NAV1: variants seen among roughly 807,000 people sequenced by gnomAD.
The protein encoded by NAV1 is pore membrane and/or filament interacting like protein 3.
A neutral mutation model predicts 175.2 loss-of-function variants in NAV1; 18 were observed. That is an observed-to-expected ratio of 0.10 (90% CI 0.07 to 0.15). NAV1 has a LOEUF of 0.15. Ranked by LOEUF, NAV1 falls within the 10% of genes least tolerant of loss-of-function variation. NAV1 has a pLI of 1.00. For missense variants in NAV1, 1,731 were observed against 2,436.6 expected (o/e 0.71, Z 6.10); for synonymous variants, 897 against 978.7 (o/e 0.92, Z 1.56).
At chr1:201,794,122 C>G (rs1424645758) in intron 14 of NAV1, 1 of 681,516 alleles carries the variant, frequency 1.5e-6, no homozygotes, top group African/African-American at 1.8e-5. Flanking sequence ...ATCATAAGGG[C>G]TCAGGGCTCC....
At chr1:201,587,345 CAT>C (rs1314146119) in intron 1 of NAV1, among the ~76,000 whole-genome samples, 1 of 150,606 alleles carries the variant, frequency 6.6e-6, no homozygotes, top group South Asian at 2.1e-4. Context: ...AATGAGAAAA[CAT>C]ATTTGTAAAT....
chr1:201,629,613 C>G, intron 2 of NAV1, 106 bp downstream of exon 4: 6 of 627,354 alleles, frequency 9.6e-6, no homozygotes, highest in Non-Finnish European at 1.4e-5. Context: ...CATCTCTTGA[C>G]AAGGAGACAT....
intron 1 of NAV1, among the ~76,000 whole-genome samples, chr1:201,667,312 C>T (rs1669862780): frequency 6.6e-6 from 1 of 152,202 alleles, no homozygotes; most frequent in African/African-American, 2.4e-5. Context: ...ACAGCTGGTT[C>T]TTGAAACAAA....
At chr1:201,757,004 T>C (rs1674555071) in intron 3 of NAV1, among the ~76,000 whole-genome samples, 1 of 152,226 alleles carries the variant, frequency 6.6e-6, no homozygotes, top group Non-Finnish European at 1.5e-5. Context: ...CATAGGAGTA[T>C]GTTAAAGTAG....
intron 3 of NAV1, among the ~76,000 whole-genome samples, chr1:201,728,735 G>T (rs142538584): frequency 1.6e-4 from 25 of 152,158 alleles, no homozygotes; most frequent in Non-Finnish European, 3.1e-4. Flanking sequence ...AAAGTGCTAA[G>T]ATTACAGGTG....
At chr1:201,674,389 GT>G (rs199683913) in intron 1 of NAV1, among the ~76,000 whole-genome samples, 33 of 151,688 alleles carry the variant, frequency 2.2e-4, no homozygotes, top group African/African-American at 7.5e-4. Context: ...ATGAGTGTGT[GT>G]TGGGGGGGGT....
rs1403673339 is a variant in NAV1, at chr1:201,808,705, G to C, written c.4041G>C (p.Leu1347Phe). The stretch of plus-strand genomic sequence containing the variant: ...TACCCTGTCTGTTCTTGCCACAGTT[G>C]GAGGTGGACCTGCTGAAAGCAGAGA... The change falls in exon 20 of 30, where the codon TTG becomes TTC. Residue 1347 changes from leucine (L) to phenylalanine (F), a missense_variant and splice_region_variant. Transcript: ENST00000367296. The surrounding 1 kb of genome is among the most constrained non-coding windows in gnomAD (Gnocchi z 5.5). 1 of 1,614,126 alleles carries C rather than the reference G, an allele frequency of 6.2e-7. No homozygotes were observed. Among genetic ancestry groups the C allele is most frequent in the Non-Finnish European group, 8.5e-7 (1 of 1,180,062 alleles).
chr1:201,734,315 G>A (rs1672995303), intron 3 of NAV1, among the ~76,000 whole-genome samples: 1 of 151,782 alleles, frequency 6.6e-6, no homozygotes, highest in Non-Finnish European at 1.5e-5. Context: ...GGCTGAGGTG[G>A]GAGGATCGCT....
intron 1 of NAV1, among the ~76,000 whole-genome samples, chr1:201,552,541 G>C (rs1311334885): frequency 6.6e-6 from 1 of 152,084 alleles, no homozygotes; most frequent in Non-Finnish European, 1.5e-5. Flanking sequence ...TTTGGAGTCA[G>C]CCTGACCCGG....
At chr1:201,619,135 A>G (rs1668083360), upstream of NAV1, among the ~76,000 whole-genome samples, 1 of 152,186 alleles carries the variant, frequency 6.6e-6, no homozygotes, top group Admixed American at 6.5e-5. Context: ...TACCATGGGA[A>G]TGTTTTAAAT....
At chr1:201,647,961 T>C (rs1669030884), upstream of NAV1, among the ~76,000 whole-genome samples, 4 of 149,258 alleles carry the variant, frequency 2.7e-5, no homozygotes, top group East Asian at 8.0e-4. Flanking sequence ...CCCGCCCCGC[T>C]TCTACGCGGA....
At chr1:201,540,014 C>T (rs2102439548) in intron 1 of NAV1, among the ~76,000 whole-genome samples, 1 of 152,328 alleles carries the variant, frequency 6.6e-6, no homozygotes, top group Admixed American at 6.5e-5. Context: ...TCACGGGGAG[C>T]TCACCTGAGC....
chr1:201,775,459 A>G (rs1198592659), intron 3 of NAV1, among the ~76,000 whole-genome samples: 1 of 152,226 alleles, frequency 6.6e-6, no homozygotes, highest in Non-Finnish European at 1.5e-5. Context: ...TACTGAAGCC[A>G]TAGTTGACAA....
intron 2 of NAV1, among the ~76,000 whole-genome samples, chr1:201,592,152 C>T (rs145130317): frequency 4.6e-5 from 7 of 152,302 alleles, no homozygotes; most frequent in African/African-American, 1.7e-4. Flanking sequence ...TGGGAAGCAC[C>T]AGCCACACCT....
intron 3 of NAV1, among the ~76,000 whole-genome samples, chr1:201,747,474 C>T (rs555285673): frequency 1.3e-5 from 2 of 152,278 alleles, no homozygotes; most frequent in African/African-American, 2.4e-5. Context: ...TGAAGGAGAA[C>T]ACATACTTGG....
intron 1 of NAV1, among the ~76,000 whole-genome samples, chr1:201,705,094 C>T (rs1261571880): frequency 1.3e-5 from 2 of 152,180 alleles, no homozygotes; most frequent in African/African-American, 2.4e-5. Flanking sequence ...GTTGTGATTA[C>T]AGGCATAAGC....
At chr1:201,703,118 A>T (rs1245539831) in intron 1 of NAV1, among the ~76,000 whole-genome samples, 1 of 152,170 alleles carries the variant, frequency 6.6e-6, no homozygotes, top group African/African-American at 2.4e-5. Flanking sequence ...TCTGCTGTGT[A>T]AACTGTTGCC....
chr1:201,819,446 T>C (rs1679258156), intron 29 of NAV1, among the ~76,000 whole-genome samples: 1 of 149,322 alleles, frequency 6.7e-6, no homozygotes, highest in African/African-American at 2.5e-5. Context: ...ATCAGACCCA[T>C]GATCTAGATT....
chr1:201,579,514 C>T (rs1666786727), intron 1 of NAV1, among the ~76,000 whole-genome samples: 2 of 152,210 alleles, frequency 1.3e-5, no homozygotes, highest in South Asian at 2.1e-4. Flanking sequence ...CACCACCACG[C>T]CTGGATAATT....
Sources: allele counts gnomAD v4.1 joint callset (sites outside exome capture counted in the v4.1 genomes callset), GRCh38; gene constraint gnomAD v4.1.1; non-coding constraint Gnocchi (gnomAD v3.1); transcripts MANE v1.5; gene names NCBI Gene and HGNC (gene_info 2026-07-23, HGNC 2026-07-21).